Variants in CCDC85C observed in about 807,000 individuals in gnomAD.
CCDC85C encodes coiled-coil domain containing 85C.
A neutral mutation model predicts 38.3 loss-of-function variants in CCDC85C; 18 were observed. The observed-to-expected ratio is 0.47, with a 90% CI of 0.33 to 0.70. CCDC85C has a LOEUF of 0.70. Ranked by LOEUF, CCDC85C falls within the 30% of genes least tolerant of loss-of-function variation. The probability of loss-of-function intolerance (pLI) is 0.03; values close to 1 mark genes in which losing one functional copy is unlikely to be tolerated. For synonymous variants in CCDC85C, 264 were observed against 293.8 expected (o/e 0.90, Z 1.04); for missense variants, 566 against 621.2 (o/e 0.91, Z 0.94).
chr14:99,553,701 G>A lies in CCDC85C; in HGVS notation c.794-17613C>T, dbSNP rs185825553. ...CGTGGCATCCCTCAGCCTCGGCAGC[G>A]CCTCTGTAAAGGTAGGCTGTTCAAT... On this transcript the variant is annotated intron_variant, in intron 1 of 5. Transcript: ENST00000380243. Among the ~76,000 whole-genome samples the A allele has an allele frequency of 1.6e-3, 242 of 152,270 alleles. 1 individual carries two copies. The highest frequency in any genetic ancestry group is 4.3e-3 in the African/African-American group (178 of 41,566).
At position 99,545,552 on chromosome 14, in the gene CCDC85C, G is replaced by C. The variant is rs1897790172; in HGVS notation, c.794-9464C>G. ...CAAGGGCTGCACGCATCTGGAAATT[G>C]ACCTGTGTGTGTGAGACGGTGGTGC... On this transcript the variant is annotated intron_variant, in intron 1 of 5. Transcript: ENST00000380243. The surrounding 1 kb of genome is among the most constrained non-coding windows in gnomAD (Gnocchi z 4.7). 6.6e-6 allele frequency among the ~76,000 whole-genome samples: 1 copy of C among 152,130 alleles called. No individual in the cohort carries two copies. The highest frequency in any genetic ancestry group is 2.4e-5 in the African/African-American group (1 of 41,434).
In CCDC85C at chr14:99,582,461, G is replaced by A. The variant is rs150900845; in HGVS notation, c.793+20706C>T. Among the ~76,000 whole-genome samples, 111 of 152,244 alleles carry A rather than the reference G, an allele frequency of 7.3e-4. No individual in the cohort carries two copies. In the East Asian group the frequency reaches 0.01, roughly 14 times the overall value. Reference sequence around the variant, plus strand: ...ATGTCTTGTCTATGGTCATACCACCGTGAACGCACCTGATCTCAGCCGAAA... The same window carrying A: ...ATGTCTTGTCTATGGTCATACCACCATGAACGCACCTGATCTCAGCCGAAA... On this transcript the variant is annotated intron_variant, in intron 1 of 5. Transcript: ENST00000380243.
At chr14:99,531,498 C>T (rs1186668918) in intron 2 of CCDC85C, among the ~76,000 whole-genome samples, 5 of 148,438 alleles carry the variant, frequency 3.4e-5, no homozygotes, top group Non-Finnish European at 7.4e-5. Flanking sequence ...AAAGAAAATA[C>T]GAACAGCAAT....
At chr14:99,534,799 C>T (rs777033440) in intron 2 of CCDC85C, 79 of 692,410 alleles carry the variant, frequency 1.1e-4, no homozygotes, top group East Asian at 8.3e-4. Flanking sequence ...GAAGCCAGCA[C>T]GGCCTGTGGC....
rs1039214707 is a variant in CCDC85C, at chr14:99,572,567, G to A, written c.793+30600C>T. 8.5e-5 allele frequency among the ~76,000 whole-genome samples: 13 copies of A among 152,186 alleles called. No individual in the cohort carries two copies. Among genetic ancestry groups the A allele is most frequent in the Admixed American group, 3.3e-4 (5 of 15,284 alleles). On this transcript the variant is annotated intron_variant, in intron 1 of 5. Transcript: ENST00000380243. The surrounding 1 kb of genome is among the most constrained non-coding windows in gnomAD (Gnocchi z 4.4). ...TCGGTCACCAGAGTCCAGCCACAGGGCCTGGTCAGCTCCGGGAAAGCTCTG... is the reference window on the plus strand; with the variant it reads ...TCGGTCACCAGAGTCCAGCCACAGGACCTGGTCAGCTCCGGGAAAGCTCTG...
rs1039682176 is a variant in CCDC85C, at chr14:99,500,997, G to A, written c.*14249C>T. The A allele has an allele frequency of 5.8e-5, 39 of 670,386 alleles. No individual in the cohort carries two copies. The highest frequency in any genetic ancestry group is 5.3e-4 in the Admixed American group (18 of 33,778). The allele number at this position is 670,386 out of a possible 1,614,324, so 41.5% of individuals were successfully genotyped here. A position where few individuals can be genotyped will look rare whatever the true frequency, so the allele number is the denominator to read the frequency against. ...TGATGTGTGAAATACCAAGGGCATG[G>A]CTTGCTCAGTCAATTCAGCATTGCA... On this transcript the variant is annotated 3_prime_UTR_variant, in exon 6 of 6. Transcript: ENST00000380243.
At chr14:99,522,061 G>T in intron 3 of CCDC85C, 72 bp downstream of exon 3, 1 of 1,184,718 alleles carries the variant, frequency 8.4e-7, no homozygotes, top group Non-Finnish European at 1.2e-6. Flanking sequence ...GCCCCTCCGG[G>T]CAGGTCACTG....
chr14:99,515,173 G>A lies in CCDC85C; in HGVS notation c.*73C>T, dbSNP rs1566757975. On this transcript the variant is annotated 3_prime_UTR_variant, in exon 6 of 6. Transcript: ENST00000380243. ...AGACAGGGGCTGGGCTGGAGGTCCTGCCCGTGTCTGGGGCCTGAAACTCCC... is the reference window on the plus strand; with the variant it reads ...AGACAGGGGCTGGGCTGGAGGTCCTACCCGTGTCTGGGGCCTGAAACTCCC... 8 of 1,098,590 alleles carry A rather than the reference G, an allele frequency of 7.3e-6. No homozygotes were observed. The allele number at this position is 1,098,590 out of a possible 1,614,324, so 68.1% of individuals were successfully genotyped here. A position where few individuals can be genotyped will look rare whatever the true frequency, so the allele number is the denominator to read the frequency against.
chr14:99,575,001 A>T (rs60091599), intron 1 of CCDC85C, among the ~76,000 whole-genome samples: 12,026 of 152,256 alleles, frequency 0.079, 766 homozygotes, highest in African/African-American at 0.17. Context: ...AATGCCTTCA[A>T]GGAGGGGCAG....
At chr14:99,529,684 G>A (rs1178801047) in intron 2 of CCDC85C, among the ~76,000 whole-genome samples, 3 of 152,252 alleles carry the variant, frequency 2.0e-5, no homozygotes, top group Admixed American at 1.3e-4. Flanking sequence ...GATTACAGGC[G>A]TGAGCCACTG....
At position 99,509,197 on chromosome 14, in the gene CCDC85C, C is replaced by T. The variant is rs923248462; in HGVS notation, c.*6049G>A. The T allele has an allele frequency of 5.3e-5, 8 of 152,260 alleles. No homozygotes were observed. Among genetic ancestry groups the T allele is most frequent in the African/African-American group, 1.9e-4 (8 of 41,446 alleles). The allele number at this position is 152,260 out of a possible 1,614,324, so 9.4% of individuals were successfully genotyped here. On this transcript the variant is annotated 3_prime_UTR_variant, in exon 6 of 6. Coordinates refer to ENST00000380243, the MANE Select transcript of CCDC85C (RefSeq NM_001144995.2). ...ACCAGAAGCATCTTCGTGGCTTTGT[C>T]CTCTCTATGTTCTCTGGAACCAGAA...
chr14:99,563,422 G>A (rs554443462), intron 1 of CCDC85C, among the ~76,000 whole-genome samples: 1 of 152,384 alleles, frequency 6.6e-6, no homozygotes, highest in Non-Finnish European at 1.5e-5. Flanking sequence ...ACTGGCCCAA[G>A]CCACGCCCCC....
chr14:99,522,615 G>A (rs190667666), intron 2 of CCDC85C: 10 of 171,074 alleles, frequency 5.8e-5, no homozygotes, highest in Middle Eastern at 2.8e-3. Context: ...CTGCACAGAC[G>A]GCACCACTCA....
At chr14:99,554,406 T>G (rs1245773330) in intron 1 of CCDC85C, among the ~76,000 whole-genome samples, 1 of 152,200 alleles carries the variant, frequency 6.6e-6, no homozygotes, top group African/African-American at 2.4e-5. Context: ...GCAGAAAGCC[T>G]GGCACTGGAG....
At chr14:99,525,965 G>C (rs533714266) in intron 2 of CCDC85C, among the ~76,000 whole-genome samples, 1 of 152,216 alleles carries the variant, frequency 6.6e-6, no homozygotes, top group African/African-American at 2.4e-5. Flanking sequence ...AGCACAGCTC[G>C]GCTCAGCCGG....
intron 1 of CCDC85C, among the ~76,000 whole-genome samples, chr14:99,577,765 C>G (rs1898516782): frequency 7.0e-6 from 1 of 143,594 alleles, no homozygotes; most frequent in African/African-American, 2.6e-5. Flanking sequence ...CACATCTCCA[C>G]ACCCATACAG....
chr14:99,523,815 C>T (rs924652406), intron 2 of CCDC85C, among the ~76,000 whole-genome samples: 10 of 152,182 alleles, frequency 6.6e-5, no homozygotes, highest in Non-Finnish European at 1.0e-4. Flanking sequence ...AGCCCTGAAC[C>T]ATCAAATGGG....
Position 99,603,100 on chromosome 14 carries a change from T to C in CCDC85C, c.793+67A>G, listed in dbSNP as rs901215274. On this transcript the variant is annotated intron_variant, in intron 1 of 5. Coordinates refer to ENST00000380243, the MANE Select transcript of CCDC85C (RefSeq NM_001144995.2). The surrounding 1 kb of genome is among the most constrained non-coding windows in gnomAD (Gnocchi z 7.5). ...TGGGACAGCCAGGGACCACCTCCTC[T>C]CGCCGCAGCCTGGGAAAAGGGCTGC... The C allele has an allele frequency of 3.4e-5, 44 of 1,278,496 alleles. No homozygotes were observed. Among genetic ancestry groups the C allele is most frequent in the Non-Finnish European group, 4.1e-5 (42 of 1,012,166 alleles). 79.2% of individuals were successfully genotyped at this position (1,278,496 alleles called of 1,614,324 possible).
At chr14:99,554,094 A>G (rs1286982915) in intron 1 of CCDC85C, among the ~76,000 whole-genome samples, 1 of 152,032 alleles carries the variant, frequency 6.6e-6, no homozygotes, top group Non-Finnish European at 1.5e-5. Context: ...GAATCTGTCT[A>G]CACTGCTTTC....
Sources: allele counts gnomAD v4.1 joint callset (sites outside exome capture counted in the v4.1 genomes callset), GRCh38; gene constraint gnomAD v4.1.1; non-coding constraint Gnocchi (gnomAD v3.1); transcripts MANE v1.5; gene names NCBI Gene and HGNC (gene_info 2026-07-23, HGNC 2026-07-21).